Variants in FAM13A observed in about 807,000 individuals in gnomAD.
The protein encoded by FAM13A is family with sequence similarity 13 member A, also known as protein FAM13A.
FAM13A carries 76 observed loss-of-function variants against 129.6 expected under a neutral mutation model. That is an observed-to-expected ratio of 0.59 (90% CI 0.49 to 0.71). The LOEUF (loss-of-function observed/expected upper bound fraction) is 0.71. Among genes scored for constraint, FAM13A ranks in the 30% least tolerant of loss-of-function variants. The probability of loss-of-function intolerance (pLI) is 0.00; values close to 1 mark genes in which losing one functional copy is unlikely to be tolerated. For missense variants in FAM13A, 1,108 were observed against 1,249.3 expected, an observed-to-expected ratio of 0.89 and a Z score of 1.70; for synonymous variants, 443 against 449.9, an observed-to-expected ratio of 0.98 and a Z score of 0.20.
At chr4:88,972,645 T>C (rs1043074403) in intron 4 of FAM13A, among the ~76,000 whole-genome samples, 1 of 151,998 alleles carries the variant, frequency 6.6e-6, no homozygotes, top group Non-Finnish European at 1.5e-5. Context: ...TCTCACTCTG[T>C]TGCCTAGGCT....
chr4:88,952,991 AT>A (rs1430853013), intron 4 of FAM13A, among the ~76,000 whole-genome samples: 1 of 152,148 alleles, frequency 6.6e-6, no homozygotes, highest in African/African-American at 2.4e-5. Context: ...ACTAATTTGA[AT>A]TTCAGCTCTT....
intron 4 of FAM13A, among the ~76,000 whole-genome samples, chr4:88,986,050 A>G (rs1219961140): frequency 6.6e-6 from 1 of 152,230 alleles, no homozygotes; most frequent in African/African-American, 2.4e-5. Flanking sequence ...TGTTTTCCAA[A>G]GACACCAAGA....
chr4:88,889,737 G>T (rs1463470469), intron 6 of FAM13A, among the ~76,000 whole-genome samples: 1 of 152,114 alleles, frequency 6.6e-6, no homozygotes, highest in Admixed American at 6.5e-5. Flanking sequence ...ATTTCAGAGG[G>T]CATGTTTTCA....
intron 7 of FAM13A, among the ~76,000 whole-genome samples, chr4:88,844,159 A>T (rs1016823455): frequency 1.3e-5 from 2 of 152,208 alleles, no homozygotes; most frequent in Non-Finnish European, 2.9e-5. Context: ...CCTCAGTACT[A>T]GCGTGGACAC....
At chr4:88,790,380 T>C (rs1447470908) in intron 9 of FAM13A, among the ~76,000 whole-genome samples, 2 of 152,156 alleles carry the variant, frequency 1.3e-5, no homozygotes, top group East Asian at 3.8e-4. Flanking sequence ...GTTGGAGTTG[T>C]CTGTAGGAAT....
intron 2 of FAM13A, 137 bp from the exon 3 acceptor site, chr4:89,020,806 TCA>T: frequency 1.5e-6 from 1 of 648,676 alleles, no homozygotes; most frequent in Non-Finnish European, 2.7e-6. Flanking sequence ...TGTGTAATTT[TCA>T]CATTTTGTAA....
intron 6 of FAM13A, among the ~76,000 whole-genome samples, chr4:88,877,224 A>T (rs2150108631): frequency 6.6e-6 from 1 of 152,164 alleles, no homozygotes; most frequent in East Asian, 1.9e-4. Flanking sequence ...AATTTTTGTA[A>T]TTCTTTAGCA....
chr4:88,800,181 T>C (rs2869948), intron 8 of FAM13A, among the ~76,000 whole-genome samples: 77,894 of 151,940 alleles, frequency 0.51, 20,242 homozygotes, highest in East Asian at 0.69. Context: ...GTTTAGTGAG[T>C]ACAGAATTTC....
chr4:88,978,842 G>A (rs1181853955), intron 4 of FAM13A, among the ~76,000 whole-genome samples: 1 of 151,398 alleles, frequency 6.6e-6, no homozygotes, highest in African/African-American at 2.4e-5. Flanking sequence ...TTGATATAAA[G>A]AATTAACAAA....
intron 2 of FAM13A, among the ~76,000 whole-genome samples, chr4:89,022,983 G>A (rs570648904): frequency 2.6e-5 from 4 of 152,258 alleles, no homozygotes; most frequent in Non-Finnish European, 4.4e-5. Context: ...CCATGATCAC[G>A]GCCTTGTAAC....
At chr4:89,036,916 G>C (rs1044630015) in intron 1 of FAM13A, among the ~76,000 whole-genome samples, 4 of 152,214 alleles carry the variant, frequency 2.6e-5, no homozygotes, top group African/African-American at 9.6e-5. Flanking sequence ...CAAAAGTTGA[G>C]GCTTAGGAAC....
intron 4 of FAM13A, among the ~76,000 whole-genome samples, chr4:88,976,905 C>A (rs933125603): frequency 6.6e-6 from 1 of 152,086 alleles, no homozygotes; most frequent in Non-Finnish European, 1.5e-5. Context: ...AGTACAGTAA[C>A]ATGGTGTACA....
intron 7 of FAM13A, among the ~76,000 whole-genome samples, chr4:88,808,674 CG>C (rs1400919321): frequency 2.6e-5 from 4 of 151,980 alleles, no homozygotes; most frequent in Admixed American, 2.6e-4. Flanking sequence ...AGAATTCATT[CG>C]ATTTCCTCCT....
intron 6 of FAM13A, among the ~76,000 whole-genome samples, chr4:88,885,073 T>G (rs979177593): frequency 4.6e-5 from 7 of 152,258 alleles, no homozygotes; most frequent in African/African-American, 1.7e-4. Context: ...ATGACCATAC[T>G]GCCAAAAGCA....
intron 2 of FAM13A, among the ~76,000 whole-genome samples, chr4:89,022,530 C>G (rs896438868): frequency 1.3e-4 from 20 of 152,128 alleles, no homozygotes; most frequent in African/African-American, 4.8e-4. Context: ...AGGGCACCAC[C>G]TAAATGGAAG....
At chr4:88,785,084 G>A (rs1394877180) in intron 10 of FAM13A, among the ~76,000 whole-genome samples, 4 of 152,096 alleles carry the variant, frequency 2.6e-5, no homozygotes, top group East Asian at 1.9e-4. Context: ...GGGCCATGAC[G>A]ACTTTAGTAT....
chr4:89,032,228 G>C (rs1462683481), intron 1 of FAM13A, among the ~76,000 whole-genome samples: 2 of 151,182 alleles, frequency 1.3e-5, no homozygotes, highest in Non-Finnish European at 2.9e-5. Flanking sequence ...CTGGGCAACA[G>C]AGCGAGACTC....
chr4:89,041,122 A>G (rs1448084454), intron 1 of FAM13A, among the ~76,000 whole-genome samples: 1 of 152,236 alleles, frequency 6.6e-6, no homozygotes. Context: ...AGAGGTGTTA[A>G]TGAGTACAAA....
chr4:88,906,244 C>A, intron 6 of FAM13A, 135 bp downstream of exon 6: 1 of 626,456 alleles, frequency 1.6e-6, no homozygotes, highest in Admixed American at 2.5e-5. Context: ...GCTGAGATTG[C>A]GCCACTGCAC....
Sources: allele counts gnomAD v4.1 joint callset (sites outside exome capture counted in the v4.1 genomes callset), GRCh38; gene constraint gnomAD v4.1.1; transcripts MANE v1.5; gene names NCBI Gene and HGNC (gene_info 2026-07-23, HGNC 2026-07-21).